GLMN: variants seen among roughly 807,000 people sequenced by gnomAD.
GLMN encodes the protein glomulin, FKBP associated protein.
Under a neutral mutation model 87.8 loss-of-function variants are expected in GLMN, and 75 were observed. That is an observed-to-expected ratio of 0.85 (90% confidence interval 0.71 to 1.04). The LOEUF (loss-of-function observed/expected upper bound fraction) is 1.04. Ranked by LOEUF, GLMN falls within the 50% of genes least tolerant of loss-of-function variation. The pLI is 0.00. For missense variants in GLMN, 588 were observed against 658.8 expected (o/e 0.89, Z 1.18); for synonymous variants, 206 against 221.6 (o/e 0.93, Z 0.63).
the GLMN span, chr1:92,336,467 G>T: frequency 4.7e-5 from 65 of 1,383,088 alleles, 2 homozygotes; most frequent in South Asian, 7.8e-4. Flanking sequence ...CAATTATTTT[G>T]ACTTTATTTA....
chr1:92,359,210 A>G, the GLMN span, among the ~76,000 whole-genome samples: 713 of 152,388 alleles, frequency 4.7e-3, 3 homozygotes, highest in Admixed American at 7.4e-3. Context: ...GGGAAAGTCA[A>G]ACATAATTTT....
At chr1:92,277,882 C>A (rs1050220703) in intron 7 of GLMN, among the ~76,000 whole-genome samples, 3 of 152,014 alleles carry the variant, frequency 2.0e-5, no homozygotes, top group African/African-American at 7.3e-5. Context: ...TTAATCAAAC[C>A]CAAGGAGGGG....
chr1:92,334,675 A>C, the GLMN span, among the ~76,000 whole-genome samples: 131,162 of 151,942 alleles, frequency 0.86, 57,046 homozygotes, highest in East Asian at 1. Context: ...TAGTAAGACC[A>C]CATCTCTACA....
chr1:92,332,654 A>C, the GLMN span, among the ~76,000 whole-genome samples: 1 of 152,150 alleles, frequency 6.6e-6, no homozygotes, highest in Non-Finnish European at 1.5e-5. Context: ...TCACTCCCTG[A>C]AAGAACTAGT....
the GLMN span, among the ~76,000 whole-genome samples, chr1:92,341,898 C>T: frequency 1.3e-5 from 2 of 152,214 alleles, no homozygotes; most frequent in Non-Finnish European, 2.9e-5. Context: ...CTGCCTTGGC[C>T]TCCCAACGTG....
the GLMN span, among the ~76,000 whole-genome samples, chr1:92,368,585 G>A: frequency 6.6e-6 from 1 of 152,128 alleles, no homozygotes; most frequent in African/African-American, 2.4e-5. Flanking sequence ...AGTTTGTACA[G>A]CTCTAAATCC....
Position 92,286,528 on chromosome 1 carries a change from C to T in GLMN, c.697G>A (p.Gly233Arg). ...AQFFEQSEEG[G>R]NDPFRYFASE... ...GCAAAATACCTGAAAGGATCATTTC[C>T]ACCTTCTTCAGACTGTTCAAAGAAT... The change falls in exon 7 of 19, where the codon GGA becomes AGA. Residue 233 changes from glycine to arginine, a missense_variant. Transcript: ENST00000370360. The T allele has an allele frequency of 1.9e-6, 3 of 1,602,152 alleles. No homozygotes were observed. Among genetic ancestry groups the T allele is most frequent in the Middle Eastern group, 1.7e-4 (1 of 6,040 alleles).
chr1:92,267,806 T>C lies in GLMN; in HGVS notation c.1098+107A>G, dbSNP rs1655813866. 2.0e-5 allele frequency: 15 copies of C among 740,242 alleles called. 1 individual carries two copies. Among genetic ancestry groups the C allele is most frequent in the South Asian group, 8.9e-5 (6 of 67,300 alleles). The allele number at this position is 740,242 out of a possible 1,614,324, so 45.9% of individuals were successfully genotyped here. A position where few individuals can be genotyped will look rare whatever the true frequency, so the allele number is the denominator to read the frequency against. On this transcript the variant is annotated intron_variant, in intron 11 of 18. Transcript: ENST00000370360. ...ACTGGACAGCATTACACCAGAGTTT[T>C]CAAAGGTTGCAGAGAAAAGAGTGGG...
intron 7 of GLMN, among the ~76,000 whole-genome samples, chr1:92,283,807 G>C (rs1648385931): frequency 6.6e-6 from 1 of 152,134 alleles, no homozygotes; most frequent in Non-Finnish European, 1.5e-5. Flanking sequence ...AAAATCACAA[G>C]CATTCCTATA....
chr1:92,264,171 G>A (rs1251272940), intron 14 of GLMN, among the ~76,000 whole-genome samples: 5 of 152,026 alleles, frequency 3.3e-5, no homozygotes, highest in African/African-American at 1.2e-4. Context: ...AATTCAGCCA[G>A]GCGCACTGGT....
At chr1:92,356,505 G>A in the GLMN span, among the ~76,000 whole-genome samples, 8 of 150,528 alleles carry the variant, frequency 5.3e-5, no homozygotes, top group East Asian at 4.0e-4. Flanking sequence ...TGCAACCTCC[G>A]CCTCCTGGGT....
At chr1:92,253,058 T>C (rs1006805269) in intron 16 of GLMN, among the ~76,000 whole-genome samples, 4 of 152,236 alleles carry the variant, frequency 2.6e-5, no homozygotes, top group Non-Finnish European at 4.4e-5. Flanking sequence ...AGGTTTCCCC[T>C]TTCTTCTAAT....
intron 18 of GLMN, 67 bp from the exon 19 acceptor site, chr1:92,246,713 A>G (rs1321804742): frequency 1.2e-6 from 1 of 832,050 alleles, no homozygotes; most frequent in Admixed American, 1.7e-5. Context: ...AAAACACAGA[A>G]AAGATTTCAG....
chr1:92,324,377 T>G, the GLMN span: 1 of 1,606,950 alleles, frequency 6.2e-7, no homozygotes, highest in Non-Finnish European at 8.5e-7. Flanking sequence ...TCAGAAGAGG[T>G]ATGTCTTACA....
At chr1:92,309,340 G>A in the GLMN span, among the ~76,000 whole-genome samples, 1 of 151,782 alleles carries the variant, frequency 6.6e-6, no homozygotes, top group African/African-American at 2.4e-5. Flanking sequence ...TACTCAGGAG[G>A]CTGAGGTAGG....
intron 8 of GLMN, 33 bp from the exon 9 acceptor site, chr1:92,269,809 T>A (rs778448009): frequency 7.9e-7 from 1 of 1,271,126 alleles, no homozygotes; most frequent in African/African-American, 1.5e-5. Context: ...ATATATATTA[T>A]ACACACACAC....
At chr1:92,287,403 CAAT>C (rs1450457354) in intron 6 of GLMN, among the ~76,000 whole-genome samples, 1 of 152,044 alleles carries the variant, frequency 6.6e-6, no homozygotes, top group African/African-American at 2.4e-5. Flanking sequence ...TACAGTGGCA[CAAT>C]AATAGTGCAC....
At chr1:92,302,592 T>A (rs988853212), upstream of GLMN, among the ~76,000 whole-genome samples, 1 of 92,274 alleles carries the variant, frequency 1.1e-5, no homozygotes, top group African/African-American at 5.6e-5. Context: ...CGCATTAAAT[T>A]TTTTTTTTTT....
chr1:92,331,001 T>TGGTTTG, the GLMN span, among the ~76,000 whole-genome samples: 4 of 152,082 alleles, frequency 2.6e-5, no homozygotes, highest in African/African-American at 9.7e-5. Flanking sequence ...TGGGGTGTGG[T>TGGTTTG]GGTTTGGGTT....
Sources: gnomAD v4.1 joint callset for allele counts (sites outside exome capture counted in the v4.1 genomes callset) on GRCh38, gnomAD v4.1.1 for gene constraint, MANE v1.5 for transcripts, NCBI Gene and HGNC (gene_info 2026-07-23, HGNC 2026-07-21) for gene names.